The following CCDC30 variants were observed in gnomAD, a reference collection of about 807,000 sequenced individuals.
The protein encoded by CCDC30 is coiled-coil domain-containing protein 30.
In CCDC30, 70 loss-of-function variants were observed where a neutral mutation model predicts 100.2. That is an observed-to-expected ratio of 0.70 (90% CI 0.58 to 0.85). The LOEUF is 0.85. Ranked by LOEUF, CCDC30 falls within the 40% of genes least tolerant of loss-of-function variation. CCDC30 has a pLI of 0.00. For synonymous variants in CCDC30, 233 were observed against 269.5 expected, an observed-to-expected ratio of 0.86 and a Z score of 1.33; for missense variants, 652 against 771.2, an observed-to-expected ratio of 0.85 and a Z score of 1.83.
chr1:42,559,424 G>A (rs959210494), intron 6 of CCDC30, among the ~76,000 whole-genome samples: 1 of 152,094 alleles, frequency 6.6e-6, no homozygotes, highest in Non-Finnish European at 1.5e-5. Flanking sequence ...ACACACACAG[G>A]CTCAAAATAA....
At chr1:42,589,230 A>C in intron 9 of CCDC30, 91 bp from the exon 14 acceptor site, 1 of 1,074,586 alleles carries the variant, frequency 9.3e-7, no homozygotes, top group Non-Finnish European at 1.3e-6. Flanking sequence ...AACCAAAAAA[A>C]AAAAAAATCC....
intron 4 of CCDC30, among the ~76,000 whole-genome samples, chr1:42,493,707 A>G (rs1395522536): frequency 6.6e-6 from 1 of 152,240 alleles, no homozygotes; most frequent in East Asian, 1.9e-4. Flanking sequence ...TTGGTCATGA[A>G]AAAAGAGAGA....
chr1:42,646,286 CCACAGAGAAGTGGAAA>C lies in CCDC30; in HGVS notation c.1827_1842del (p.Glu610LeufsTer16). The C allele has an allele frequency of 6.5e-7, 1 of 1,544,640 alleles. No individual in the cohort carries two copies. The highest frequency in any genetic ancestry group is 8.7e-7 in the Non-Finnish European group (1 of 1,143,554). ...CATGAGGATGAGTCAGTTCCTGAGG[CCACAGAGAAGTGGAAA>C]CACTCTGAGCAGATGGTAGGAGAAT... is the stretch of plus-strand genomic sequence containing the variant. On this transcript the variant is annotated frameshift_variant, in exon 15 of 17. Coordinates refer to ENST00000668663, the Ensembl canonical transcript of CCDC30. LOFTEE classifies it high-confidence loss of function.
At chr1:42,642,875 G>C (rs1420796030) in intron 13 of CCDC30, among the ~76,000 whole-genome samples, 1 of 152,140 alleles carries the variant, frequency 6.6e-6, no homozygotes, top group Non-Finnish European at 1.5e-5. Context: ...GTGCATTCTG[G>C]CCTGTCATTT....
chr1:42,494,554 CA>C (rs1644199742), intron 4 of CCDC30, among the ~76,000 whole-genome samples: 1 of 152,144 alleles, frequency 6.6e-6, no homozygotes, highest in Non-Finnish European at 1.5e-5. Context: ...AAACTACCAT[CA>C]GAGTGAACAG....
chr1:42,629,964 C>T (rs1403541293), intron 11 of CCDC30, among the ~76,000 whole-genome samples: 4 of 141,472 alleles, frequency 2.8e-5, no homozygotes, highest in African/African-American at 1.1e-4. Flanking sequence ...TAGATATGTC[C>T]CCCTATTTTT....
chr1:42,475,078 G>A (rs1427152458), intron 1 of CCDC30, among the ~76,000 whole-genome samples: 5 of 151,860 alleles, frequency 3.3e-5, no homozygotes, highest in Non-Finnish European at 2.9e-5. Context: ...TTTAAAACCT[G>A]GTATGTTGAT....
intron 6 of CCDC30, among the ~76,000 whole-genome samples, chr1:42,517,847 A>G (rs1192540259): frequency 6.6e-6 from 1 of 152,214 alleles, no homozygotes; most frequent in Non-Finnish European, 1.5e-5. Context: ...TCTTTATTCA[A>G]TTATGACACT....
At chr1:42,605,570 C>T (rs1646485800) in intron 10 of CCDC30, among the ~76,000 whole-genome samples, 1 of 152,168 alleles carries the variant, frequency 6.6e-6, no homozygotes, top group Non-Finnish European at 1.5e-5. Context: ...CCTCAACTGC[C>T]TGGGCTTAAG....
At chr1:42,461,619 T>C (rs1483228140), upstream of CCDC30, among the ~76,000 whole-genome samples, 1 of 151,172 alleles carries the variant, frequency 6.6e-6, no homozygotes, top group Non-Finnish European at 1.5e-5. Context: ...CAATCTCGGC[T>C]CACTGCAAGC....
intron 1 of CCDC30, among the ~76,000 whole-genome samples, chr1:42,470,553 C>G (rs1422558848): frequency 6.6e-6 from 1 of 152,198 alleles, no homozygotes; most frequent in African/African-American, 2.4e-5. Flanking sequence ...AAGGTGGAAA[C>G]AACTCCAATG....
intron 10 of CCDC30, among the ~76,000 whole-genome samples, chr1:42,599,855 T>C (rs1380866944): frequency 4.6e-5 from 7 of 152,140 alleles, no homozygotes; most frequent in African/African-American, 1.4e-4. Context: ...GGGTAATCTA[T>C]AAAGAAAAGA....
At chr1:42,624,068 G>A (rs1646888574) in intron 11 of CCDC30, among the ~76,000 whole-genome samples, 1 of 151,888 alleles carries the variant, frequency 6.6e-6, no homozygotes, top group Non-Finnish European at 1.5e-5. Flanking sequence ...ACTGATTTTT[G>A]TATGTTGATT....
At chr1:42,517,379 G>C (rs751769757) in intron 6 of CCDC30, among the ~76,000 whole-genome samples, 1 of 152,146 alleles carries the variant, frequency 6.6e-6, no homozygotes, top group Non-Finnish European at 1.5e-5. Context: ...CACCACACTT[G>C]GCCAGTAGTG....
chr1:42,646,609 G>A (rs556178673), intron 15 of CCDC30, among the ~76,000 whole-genome samples: 14 of 152,298 alleles, frequency 9.2e-5, no homozygotes, highest in African/African-American at 2.9e-4. Flanking sequence ...CTCAGCCAAA[G>A]AAGACATAAG....
intron 2 of CCDC30, among the ~76,000 whole-genome samples, 181 bp from the exon 3 acceptor site, chr1:42,482,482 T>C (rs1419093556): frequency 6.6e-6 from 1 of 151,964 alleles, no homozygotes; most frequent in Non-Finnish European, 1.5e-5. Context: ...TTTATTTGGT[T>C]CAACCTAAGA....
At chr1:42,552,568 A>AT (rs148867855) in intron 6 of CCDC30, among the ~76,000 whole-genome samples, 20,606 of 152,174 alleles carry the variant, frequency 0.14, 1,530 homozygotes, top group East Asian at 0.17. Context: ...TGGATTTTCC[A>AT]TTTTTTAAAT....
At chr1:42,540,937 T>C (rs1199379122) in intron 6 of CCDC30, among the ~76,000 whole-genome samples, 1 of 152,204 alleles carries the variant, frequency 6.6e-6, no homozygotes, top group Admixed American at 6.5e-5. Context: ...CCCAGGATCA[T>C]ACATTGCATT....
intron 6 of CCDC30, among the ~76,000 whole-genome samples, chr1:42,560,361 A>G (rs945236263): frequency 2.6e-5 from 4 of 151,760 alleles, no homozygotes; most frequent in Admixed American, 2.6e-4. Context: ...AGCTGTTTTT[A>G]TTGTTGTTGT....
Sources: gnomAD v4.1 joint callset for allele counts (sites outside exome capture counted in the v4.1 genomes callset) on GRCh38, gnomAD v4.1.1 for gene constraint, MANE v1.5 for transcripts, NCBI Gene and HGNC (gene_info 2026-07-23, HGNC 2026-07-21) for gene names.